Variants in OSBPL10 observed in about 807,000 individuals in gnomAD.
OSBPL10 encodes the protein oxysterol binding protein like 10, also known as oxysterol-binding protein-related protein 10.
A neutral mutation model predicts 81.7 loss-of-function variants in OSBPL10; 49 were observed. The ratio of observed to expected loss-of-function variants is 0.60; its 90% CI spans 0.48 to 0.76. The LOEUF (loss-of-function observed/expected upper bound fraction) is 0.76. OSBPL10 is among the 30% of genes least tolerant of loss of function. The pLI, the probability that OSBPL10 is intolerant of heterozygous loss-of-function variation, is 0.00. For missense variants in OSBPL10, 923 were observed against 987.8 expected (o/e 0.93, Z 0.88); for synonymous variants, 419 against 383.6 (o/e 1.09, Z -1.08).
intron 4 of OSBPL10, among the ~76,000 whole-genome samples, chr3:31,753,239 G>A (rs146881170): frequency 6.8e-4 from 102 of 149,454 alleles, no homozygotes; most frequent in African/African-American, 2.3e-3. Flanking sequence ...CCAGGCTGGA[G>A]TACAATAGCT....
chr3:31,890,735 C>T (rs1201147240), intron 1 of OSBPL10, among the ~76,000 whole-genome samples: 1 of 152,208 alleles, frequency 6.6e-6, no homozygotes, highest in Non-Finnish European at 1.5e-5. Flanking sequence ...AATATTGCCT[C>T]ATTTCCCTCT....
chr3:32,058,142 C>T (rs1030734288), intron 1 of OSBPL10, among the ~76,000 whole-genome samples: 2 of 152,126 alleles, frequency 1.3e-5, no homozygotes, highest in Admixed American at 6.6e-5. Context: ...AAACCTTGAA[C>T]TTTAGTTAAT....
intron 4 of OSBPL10, among the ~76,000 whole-genome samples, chr3:31,771,705 T>A (rs1385951492): frequency 6.6e-6 from 1 of 152,192 alleles, no homozygotes; most frequent in Non-Finnish European, 1.5e-5. Flanking sequence ...ACTCGGACCT[T>A]AATCACTCAT....
At chr3:31,728,858 T>C (rs1335065358) in intron 6 of OSBPL10, among the ~76,000 whole-genome samples, 5 of 152,168 alleles carry the variant, frequency 3.3e-5, no homozygotes, top group Non-Finnish European at 7.3e-5. Flanking sequence ...ATTTTGAATT[T>C]TTTTGGAAGT....
At chr3:31,754,450 T>C (rs991675419) in intron 4 of OSBPL10, among the ~76,000 whole-genome samples, 2 of 151,604 alleles carry the variant, frequency 1.3e-5, no homozygotes, top group African/African-American at 2.4e-5. Flanking sequence ...GCTAAACAGA[T>C]GACAATGTTA....
chr3:31,831,678 A>G (rs1052559547), intron 3 of OSBPL10, among the ~76,000 whole-genome samples: 1 of 152,258 alleles, frequency 6.6e-6, no homozygotes, highest in Admixed American at 6.5e-5. Context: ...GTAAATTCAA[A>G]CTACTTTAGA....
chr3:31,689,431 T>C (rs1700885307), intron 7 of OSBPL10, among the ~76,000 whole-genome samples: 1 of 152,204 alleles, frequency 6.6e-6, no homozygotes, highest in African/African-American at 2.4e-5. Flanking sequence ...TATAATGTCC[T>C]TATTCTTAGA....
At position 31,901,544 on chromosome 3, in the gene OSBPL10, G is replaced by A. The variant is rs571338867; in HGVS notation, c.282-21714C>T. Among the ~76,000 whole-genome samples the A allele has an allele frequency of 2.0e-5, 3 of 152,314 alleles. No individual in the cohort carries two copies. The East Asian group carries it at 5.8e-4, about 29-fold the overall frequency. On this transcript the variant is annotated intron_variant, in intron 1 of 11. Coordinates refer to ENST00000396556, the MANE Select transcript of OSBPL10 (RefSeq NM_017784.5). Reference sequence around the variant, plus strand: ...TGAAAAAGGCCTGCCCTTGAGCAAAGTCTTCCCTTTCTCATACCAGATTCC... The same window carrying A: ...TGAAAAAGGCCTGCCCTTGAGCAAAATCTTCCCTTTCTCATACCAGATTCC...
At chr3:32,016,941 A>G (rs1699318042) in intron 2 of OSBPL10, among the ~76,000 whole-genome samples, 1 of 152,252 alleles carries the variant, frequency 6.6e-6, no homozygotes, top group African/African-American at 2.4e-5. Flanking sequence ...GGTAGCTATT[A>G]TCTTCATGTG....
At chr3:31,849,959 G>A (rs1295374920) in intron 3 of OSBPL10, among the ~76,000 whole-genome samples, 2 of 152,178 alleles carry the variant, frequency 1.3e-5, no homozygotes, top group East Asian at 3.9e-4. Context: ...GAGGTTGGGA[G>A]TTGGACACCA....
At chr3:31,761,586 GTGGGCGGAT>G (rs1354196231) in intron 4 of OSBPL10, among the ~76,000 whole-genome samples, 2 of 151,930 alleles carry the variant, frequency 1.3e-5, no homozygotes, top group Admixed American at 6.6e-5. Flanking sequence ...GGAGGCCGAA[GTGGGCGGAT>G]CACTTGAGGT....
At chr3:31,963,969 C>G (rs1041015190) in intron 1 of OSBPL10, among the ~76,000 whole-genome samples, 4 of 151,768 alleles carry the variant, frequency 2.6e-5, no homozygotes, top group African/African-American at 9.7e-5. Flanking sequence ...TCTCAGTAGC[C>G]CTCCTGCTCA....
At position 31,830,202 on chromosome 3, in the gene OSBPL10, G is replaced by A; in HGVS notation, c.567C>T (p.Leu189=). ...TGGGTGTTCCATGTGGGAGCAAAGT[G>A]AGACTTCGGCTTCGGGAGCTTGGAG... The part of the protein sequence containing the change: ...KSAPSSRSRS[L]TLLPHGTPNS... The change falls in exon 4 of 12, where the codon CTC becomes CTT. Residue 189 remains leucine, a synonymous_variant. Transcript: ENST00000396556. The A allele has an allele frequency of 6.2e-7, 1 of 1,614,034 alleles. No homozygotes were observed. The highest frequency in any genetic ancestry group is 2.2e-5 in the East Asian group (1 of 44,862).
chr3:32,026,082 G>GATAA (rs1699408843), intron 2 of OSBPL10, among the ~76,000 whole-genome samples: 1 of 111,208 alleles, frequency 9.0e-6, no homozygotes, highest in Non-Finnish European at 2.1e-5. Flanking sequence ...TAGATAGATA[G>GATAA]ATAGATAGAT....
At chr3:31,700,195 A>G (rs1286612790) in intron 7 of OSBPL10, 1 of 152,236 alleles carries the variant, frequency 6.6e-6, no homozygotes, top group Non-Finnish European at 1.5e-5. Context: ...CAGGTACTCA[A>G]CTGAGTATTG....
chr3:31,860,495 G>A (rs1001780820), intron 3 of OSBPL10, among the ~76,000 whole-genome samples: 4 of 152,174 alleles, frequency 2.6e-5, no homozygotes, highest in Non-Finnish European at 5.9e-5. Context: ...AAGAGACAAG[G>A]AAGTGATAAG....
At chr3:31,736,227 GTGTACACATAGAATGTGTACTGAGA>G (rs1697170480) in intron 5 of OSBPL10, among the ~76,000 whole-genome samples, 1 of 152,082 alleles carries the variant, frequency 6.6e-6, no homozygotes, top group African/African-American at 2.4e-5. Flanking sequence ...CACATAAAAT[GTGTACACATAGAATGTGTACTGAGA>G]TGTACACATA....
At chr3:31,942,595 C>T (rs1341610977) in intron 1 of OSBPL10, among the ~76,000 whole-genome samples, 2 of 151,202 alleles carry the variant, frequency 1.3e-5, no homozygotes, top group Non-Finnish European at 2.9e-5. Flanking sequence ...TAAATCCTCC[C>T]AGATGCCTCA....
In OSBPL10 at chr3:32,073,104, C is replaced by G. The variant is rs1699843793; in HGVS notation, n.185+4292G>C. On this transcript the variant is annotated intron_variant and non_coding_transcript_variant, in intron 1 of 3. Coordinates refer to the OSBPL10 transcript ENST00000479173. ...CTGGACAGTACTTTGACCTTCTGCC[C>G]TTCTCAGAATTCGAGCCTGTCCTCG... Among the ~76,000 whole-genome samples, 5 of 152,304 alleles carry G rather than the reference C, an allele frequency of 3.3e-5. No individual in the cohort carries two copies. In the South Asian group the frequency reaches 1.0e-3, roughly 32 times the overall value.
Sources: allele counts gnomAD v4.1 joint callset (sites outside exome capture counted in the v4.1 genomes callset), GRCh38; gene constraint gnomAD v4.1.1; transcripts MANE v1.5; gene names NCBI Gene and HGNC (gene_info 2026-07-23, HGNC 2026-07-21).